TSPAN9: variants seen among roughly 807,000 people sequenced by gnomAD.
TSPAN9 encodes the protein tetraspanin-9.
A neutral mutation model predicts 31.0 loss-of-function variants in TSPAN9; 16 were observed. The observed-to-expected ratio is 0.52, with a 90% CI of 0.35 to 0.78. The LOEUF (loss-of-function observed/expected upper bound fraction) is 0.78, where lower values mean the gene tolerates loss of function less well. Among genes scored for constraint, TSPAN9 ranks in the 30% least tolerant of loss-of-function variants. TSPAN9 has a pLI of 0.01. For synonymous variants in TSPAN9, 145 were observed against 121.6 expected, an observed-to-expected ratio of 1.19 and a Z score of -1.27; for missense variants, 272 against 312.5, an observed-to-expected ratio of 0.87 and a Z score of 0.98.
intron 2 of TSPAN9, among the ~76,000 whole-genome samples, chr12:3,152,379 T>C (rs2098340238): frequency 6.6e-6 from 1 of 152,228 alleles, no homozygotes; most frequent in Admixed American, 6.5e-5. Flanking sequence ...CCCCTCTTTT[T>C]GGAAGGTCCT....
At chr12:3,245,268 C>G (rs1457009968) in intron 3 of TSPAN9, among the ~76,000 whole-genome samples, 1 of 152,236 alleles carries the variant, frequency 6.6e-6, no homozygotes, top group Non-Finnish European at 1.5e-5. Context: ...TGGAAGGTGC[C>G]AAGCCCATTT....
At chr12:3,134,546 G>A (rs369694762) in intron 2 of TSPAN9, among the ~76,000 whole-genome samples, 9 of 152,212 alleles carry the variant, frequency 5.9e-5, no homozygotes, top group East Asian at 1.9e-4. Flanking sequence ...GCCTCCGCTC[G>A]GGGCTGCTGC....
At chr12:3,215,797 T>C (rs1023037939) in intron 3 of TSPAN9, among the ~76,000 whole-genome samples, 5 of 152,080 alleles carry the variant, frequency 3.3e-5, no homozygotes, top group Non-Finnish European at 7.4e-5. Flanking sequence ...ACAGCCTGTA[T>C]CGGAGTGGAG....
intron 5 of TSPAN9, among the ~76,000 whole-genome samples, chr12:3,279,485 G>A (rs538385398): frequency 4.6e-5 from 7 of 152,354 alleles, no homozygotes; most frequent in Admixed American, 6.5e-5. Context: ...TCTGGGCGAC[G>A]CTGGCTGAGC....
intron 2 of TSPAN9, among the ~76,000 whole-genome samples, chr12:3,183,684 C>G (rs1412620832): frequency 2.0e-5 from 3 of 152,178 alleles, no homozygotes; most frequent in Non-Finnish European, 4.4e-5. Context: ...GCATTCATCA[C>G]CAAATACCCA....
intron 2 of TSPAN9, among the ~76,000 whole-genome samples, chr12:3,122,251 G>A (rs953790281): frequency 6.6e-5 from 10 of 151,758 alleles, no homozygotes; most frequent in East Asian, 2.0e-4. Context: ...GGAGAATGGC[G>A]TGAACCCGGG....
chr12:3,245,520 C>T (rs1056905818), intron 3 of TSPAN9, among the ~76,000 whole-genome samples: 1 of 152,188 alleles, frequency 6.6e-6, no homozygotes, highest in African/African-American at 2.4e-5. Flanking sequence ...CCTTGATTTG[C>T]CATATGACCT....
At chr12:3,102,015 A>C (rs887413491) in intron 2 of TSPAN9, among the ~76,000 whole-genome samples, 1 of 152,138 alleles carries the variant, frequency 6.6e-6, no homozygotes, top group Non-Finnish European at 1.5e-5. Flanking sequence ...GTGTCACCCC[A>C]CTGGGTCAAG....
intron 3 of TSPAN9, among the ~76,000 whole-genome samples, chr12:3,268,609 C>T (rs1478572686): frequency 1.7e-4 from 15 of 87,438 alleles, no homozygotes; most frequent in South Asian, 4.4e-4. Flanking sequence ...GCCTGCCCTC[C>T]CTGTGTTCCT....
chr12:3,117,510 C>T (rs2153965887), intron 2 of TSPAN9, among the ~76,000 whole-genome samples: 1 of 152,140 alleles, frequency 6.6e-6, no homozygotes, highest in South Asian at 2.1e-4. Context: ...CCCTCTGCTG[C>T]TGCCCGTGGG....
At chr12:3,203,734 A>G (rs906430419) in intron 3 of TSPAN9, among the ~76,000 whole-genome samples, 15 of 152,220 alleles carry the variant, frequency 9.9e-5, no homozygotes, top group African/African-American at 3.4e-4. Context: ...ATTAAATAAG[A>G]CATAGACCTT....
chr12:3,187,804 G>A lies in TSPAN9; in HGVS notation c.-17-13373G>A, dbSNP rs936911428. 4.6e-5 allele frequency among the ~76,000 whole-genome samples: 7 copies of A among 152,114 alleles called. No individual in the cohort carries two copies. The highest frequency in any genetic ancestry group is 8.8e-5 in the Non-Finnish European group (6 of 68,036). On this transcript the variant is annotated intron_variant, in intron 2 of 8. Transcript: ENST00000011898. The surrounding 1 kb of genome is among the most constrained non-coding windows in gnomAD (Gnocchi z 5.2). ...CCAACACGTACCCCTTCTCCAAGAA[G>A]CCCTTCCTGATGGGCCAGACTCTCC...
At chr12:3,199,549 G>A (rs1439534517) in intron 2 of TSPAN9, among the ~76,000 whole-genome samples, 4 of 152,240 alleles carry the variant, frequency 2.6e-5, no homozygotes, top group Admixed American at 2.0e-4. Context: ...GTGGCCAAGG[G>A]CACCCCTACA....
intron 3 of TSPAN9, among the ~76,000 whole-genome samples, chr12:3,255,120 A>G (rs1862321452): frequency 3.3e-5 from 5 of 152,226 alleles, no homozygotes; most frequent in Admixed American, 2.6e-4. Flanking sequence ...CAGGAGAGAC[A>G]ATGAGTAGCA....
intron 3 of TSPAN9, chr12:3,212,057 T>G (rs1298629927): frequency 6.8e-6 from 4 of 587,450 alleles, no homozygotes; most frequent in Non-Finnish European, 1.2e-5. Flanking sequence ...TCGGAACCTC[T>G]GCCTCCCAGG....
At chr12:3,252,559 C>A (rs893366886) in intron 3 of TSPAN9, among the ~76,000 whole-genome samples, 1 of 152,220 alleles carries the variant, frequency 6.6e-6, no homozygotes, top group African/African-American at 2.4e-5. Flanking sequence ...TGTACACATG[C>A]GGGGAGCCTG....
intron 3 of TSPAN9, among the ~76,000 whole-genome samples, chr12:3,222,307 G>A (rs1340075440): frequency 1.3e-5 from 2 of 152,202 alleles, no homozygotes; most frequent in Non-Finnish European, 2.9e-5. Flanking sequence ...GGCCTGGTTG[G>A]TCTTGGGTCC....
At chr12:3,275,583 A>G (rs1413456535) in intron 3 of TSPAN9, among the ~76,000 whole-genome samples, 1 of 152,294 alleles carries the variant, frequency 6.6e-6, no homozygotes, top group African/African-American at 2.4e-5. Flanking sequence ...AGTTTCAGCC[A>G]TCGCTGGCGA....
At chr12:3,159,183 G>A (rs746932350) in intron 2 of TSPAN9, among the ~76,000 whole-genome samples, 2 of 151,172 alleles carry the variant, frequency 1.3e-5, no homozygotes, top group Admixed American at 6.6e-5. Context: ...CGGAGGCTAC[G>A]GCAACAGGAG....
Sources: allele counts gnomAD v4.1 joint callset (sites outside exome capture counted in the v4.1 genomes callset), GRCh38; gene constraint gnomAD v4.1.1; non-coding constraint Gnocchi (gnomAD v3.1); transcripts MANE v1.5; gene names NCBI Gene and HGNC (gene_info 2026-07-23, HGNC 2026-07-21).